The following KIAA1217 variants were observed in gnomAD, a reference collection of about 807,000 sequenced individuals.
KIAA1217 encodes the protein KIAA1217.
KIAA1217 carries 88 observed loss-of-function variants against 163.9 expected under a neutral mutation model. That is an observed-to-expected ratio of 0.54 (90% confidence interval 0.45 to 0.64). KIAA1217 has a LOEUF of 0.64. Among genes scored for constraint, KIAA1217 ranks in the 30% least tolerant of loss-of-function variants. The pLI, the probability that KIAA1217 is intolerant of heterozygous loss-of-function variation, is 0.00. For synonymous variants in KIAA1217, 903 were observed against 923.1 expected, an observed-to-expected ratio of 0.98 and a Z score of 0.39; for missense variants, 2,372 against 2,475.0, an observed-to-expected ratio of 0.96 and a Z score of 0.88.
intron 9 of KIAA1217, among the ~76,000 whole-genome samples, chr10:24,508,219 GA>G (rs984915784): frequency 1.3e-5 from 2 of 151,834 alleles, no homozygotes; most frequent in South Asian, 4.2e-4. Flanking sequence ...GTTTTAATAC[GA>G]AAAAAATCAA....
chr10:24,389,656 G>T (rs2054570697), intron 3 of KIAA1217, among the ~76,000 whole-genome samples: 1 of 152,162 alleles, frequency 6.6e-6, no homozygotes, highest in Non-Finnish European at 1.5e-5. Flanking sequence ...GTAGCTGGGA[G>T]TGGGTGGTTA....
intron 2 of KIAA1217, among the ~76,000 whole-genome samples, chr10:24,359,472 G>C (rs1208467620): frequency 6.6e-6 from 1 of 152,156 alleles, no homozygotes. Flanking sequence ...ATTGGCTTTA[G>C]CATTTTTCTC....
chr10:23,712,892 C>G (rs957354709), intron 1 of KIAA1217, among the ~76,000 whole-genome samples: 2 of 152,086 alleles, frequency 1.3e-5, no homozygotes, highest in African/African-American at 2.4e-5. Flanking sequence ...CATATTACCT[C>G]TTTTCAGTTT....
chr10:23,756,185 A>C, intron 1 of KIAA1217, among the ~76,000 whole-genome samples: 1 of 150,284 alleles, frequency 6.7e-6, no homozygotes, highest in Non-Finnish European at 1.5e-5. Flanking sequence ...CTGTTCTCAA[A>C]CTCCTTAGCT....
At chr10:24,491,725 C>T (rs1291326062) in intron 6 of KIAA1217, among the ~76,000 whole-genome samples, 1 of 152,140 alleles carries the variant, frequency 6.6e-6, no homozygotes, top group Admixed American at 6.5e-5. Context: ...AATCCCAGGA[C>T]TCCCCTCTGC....
At chr10:23,950,401 T>A (rs1369906436) in intron 1 of KIAA1217, among the ~76,000 whole-genome samples, 4 of 152,124 alleles carry the variant, frequency 2.6e-5, no homozygotes, top group East Asian at 1.9e-4. Context: ...ATTTTTTTTT[T>A]ATTTTTTTCC....
chr10:23,731,749 T>G (rs6482331), intron 1 of KIAA1217, among the ~76,000 whole-genome samples: 1 of 151,974 alleles, frequency 6.6e-6, no homozygotes, highest in East Asian at 1.9e-4. Context: ...TTTTTTTTTC[T>G]TAAATATTCT....
chr10:24,344,573 T>G (rs956304745), intron 2 of KIAA1217, among the ~76,000 whole-genome samples: 11 of 152,260 alleles, frequency 7.2e-5, no homozygotes, highest in Non-Finnish European at 1.0e-4. Context: ...GAGTTAATAA[T>G]GTGCACAGTG....
intron 2 of KIAA1217, among the ~76,000 whole-genome samples, chr10:24,246,038 C>T (rs974439208): frequency 6.6e-6 from 1 of 152,198 alleles, no homozygotes; most frequent in Non-Finnish European, 1.5e-5. Context: ...TTAATTGTCT[C>T]TTTGAATTTT....
intron 1 of KIAA1217, among the ~76,000 whole-genome samples, chr10:23,890,494 T>G (rs975576103): frequency 6.6e-6 from 1 of 151,910 alleles, no homozygotes; most frequent in Non-Finnish European, 1.5e-5. Flanking sequence ...CTTTGACTCC[T>G]TTTTTAATCC....
At chr10:24,524,790 A>G (rs2071832785) in intron 13 of KIAA1217, 26 bp downstream of exon 13, 2 of 1,548,120 alleles carry the variant, frequency 1.3e-6, no homozygotes, top group Non-Finnish European at 8.8e-7. Flanking sequence ...TGTTTCTCAT[A>G]ACCCCATAAA....
chr10:24,469,680 C>T (rs375801615), intron 5 of KIAA1217, among the ~76,000 whole-genome samples: 17 of 151,660 alleles, frequency 1.1e-4, no homozygotes, highest in African/African-American at 3.6e-4. Context: ...GGTATTATCT[C>T]GGCTCACTGC....
chr10:23,966,172 A>C (rs955331968), intron 1 of KIAA1217, among the ~76,000 whole-genome samples: 1 of 152,040 alleles, frequency 6.6e-6, no homozygotes, highest in African/African-American at 2.4e-5. Flanking sequence ...GAGATTCTTA[A>C]TTTTTGAATA....
At chr10:23,727,727 A>G (rs7077448) in intron 1 of KIAA1217, among the ~76,000 whole-genome samples, 3,688 of 152,228 alleles carry the variant, frequency 0.024, 166 homozygotes, top group African/African-American at 0.083. Context: ...TACATGTGCC[A>G]TGGTGGTTTG....
chr10:23,929,589 T>A (rs1435514640), intron 1 of KIAA1217, among the ~76,000 whole-genome samples: 1 of 152,184 alleles, frequency 6.6e-6, no homozygotes, highest in Non-Finnish European at 1.5e-5. Context: ...CTGTGTTAAT[T>A]TGCTTAAGAT....
At chr10:23,977,410 C>T (rs951048044) in intron 1 of KIAA1217, among the ~76,000 whole-genome samples, 3 of 152,050 alleles carry the variant, frequency 2.0e-5, no homozygotes, top group Non-Finnish European at 4.4e-5. Context: ...GGTGACTTGC[C>T]TGAGGTTGTA....
chr10:23,858,751 C>G (rs538003002), intron 1 of KIAA1217, among the ~76,000 whole-genome samples: 16 of 152,104 alleles, frequency 1.1e-4, no homozygotes, highest in African/African-American at 3.9e-4. Flanking sequence ...TTTACAGTTG[C>G]CTCATCTGCT....
intron 1 of KIAA1217, among the ~76,000 whole-genome samples, chr10:23,832,842 T>G (rs75533670): frequency 6.6e-6 from 1 of 152,122 alleles, no homozygotes; most frequent in African/African-American, 2.4e-5. Flanking sequence ...TCCATGTGGC[T>G]GGGAAGGCCT....
intron 2 of KIAA1217, among the ~76,000 whole-genome samples, chr10:24,163,504 T>C (rs1398832618): frequency 6.6e-6 from 1 of 152,210 alleles, no homozygotes; most frequent in African/African-American, 2.4e-5. Flanking sequence ...CCAATGAGTT[T>C]CCCTTGTTTT....
Sources: gnomAD v4.1 joint callset for allele counts (sites outside exome capture counted in the v4.1 genomes callset) on GRCh38, gnomAD v4.1.1 for gene constraint, MANE v1.5 for transcripts, NCBI Gene and HGNC (gene_info 2026-07-23, HGNC 2026-07-21) for gene names.